SLC30A10: variants seen among roughly 807,000 people sequenced by gnomAD.
The protein encoded by SLC30A10 is calcium/manganese antiporter SLC30A10.
A neutral mutation model predicts 21.7 loss-of-function variants in SLC30A10; 8 were observed. The observed-to-expected ratio is 0.37, with a 90% confidence interval of 0.22 to 0.67. The LOEUF (loss-of-function observed/expected upper bound fraction) is 0.67, where lower values mean the gene tolerates loss of function less well. Ranked by LOEUF, SLC30A10 falls within the 30% of genes least tolerant of loss-of-function variation. SLC30A10 has a pLI of 0.58. For missense variants in SLC30A10, 521 were observed against 642.5 expected (o/e 0.81, Z 2.04); for synonymous variants, 272 against 279.4 (o/e 0.97, Z 0.26).
rs1659450529 is a variant in SLC30A10 at position 219,912,989 on chromosome 1, T to C, written c.*2460A>G. On this transcript the variant is annotated 3_prime_UTR_variant, in exon 4 of 4. Coordinates refer to ENST00000366926, the MANE Select transcript of SLC30A10 (RefSeq NM_018713.3). ...TAAAGGAAAACAGTGCTGTTTTAAA[T>C]CTATTTATCAGCTGCTACTGCCACC... 6.6e-6 allele frequency among the ~76,000 whole-genome samples: 1 copy of C among 152,182 alleles called. No individual in the cohort carries two copies. The highest frequency in any genetic ancestry group is 2.4e-5 in the African/African-American group (1 of 41,438).
intron 1 of SLC30A10, among the ~76,000 whole-genome samples, chr1:219,947,298 G>A (rs1289932840): frequency 6.6e-6 from 1 of 152,200 alleles, no homozygotes; most frequent in Non-Finnish European, 1.5e-5. Context: ...CGAGGCCAAG[G>A]TGGAAGGATT....
At chr1:219,936,571 A>C (rs1017346874) in intron 1 of SLC30A10, among the ~76,000 whole-genome samples, 1 of 152,206 alleles carries the variant, frequency 6.6e-6, no homozygotes, top group Admixed American at 6.5e-5. Flanking sequence ...CACTTGACCC[A>C]AGATGGGCCA....
intron 1 of SLC30A10, among the ~76,000 whole-genome samples, chr1:219,957,262 A>C (rs930368085): frequency 1.3e-5 from 2 of 152,168 alleles, no homozygotes; most frequent in African/African-American, 4.8e-5. Flanking sequence ...AGATACTCTC[A>C]TAACATATGT....
intron 1 of SLC30A10, among the ~76,000 whole-genome samples, chr1:219,953,663 AATTTTATTTTATTTTATTTT>A (rs372851865): frequency 8.0e-4 from 109 of 135,728 alleles, no homozygotes; most frequent in Middle Eastern, 3.6e-3. Context: ...CAGCTTCTCA[AATTTTATTTTATTTTATTTT>A]ATTTTATTTT....
chr1:219,928,341 A>C lies in SLC30A10; in HGVS notation c.100T>G (p.Ser34Ala). Residue 34 changes from serine to alanine, a missense_variant, in exon 1 of 4, where the codon TCC (serine) becomes GCC (alanine). By Grantham distance (99) the Ser-to-Ala change is moderately conservative. Coordinates refer to ENST00000366926, the MANE Select transcript of SLC30A10 (RefSeq NM_018713.3). The surrounding 1 kb of genome is among the most constrained non-coding windows in gnomAD (Gnocchi z 6.3). ...AAGGAGTCGGAGAGCAGCGCGATGG[A>C]GTTGCCCAGGTAGCCGGAGACCAGC... The part of the protein sequence containing the change: ...AELVSGYLGN[S>A]IALLSDSFNM... The C allele has an allele frequency of 1.2e-6, 2 of 1,613,194 alleles. No homozygotes were observed. Among genetic ancestry groups the C allele is most frequent in the Non-Finnish European group, 1.7e-6 (2 of 1,179,708 alleles).
At chr1:219,924,555 G>A (rs530249461) in intron 2 of SLC30A10, among the ~76,000 whole-genome samples, 3 of 152,172 alleles carry the variant, frequency 2.0e-5, no homozygotes, top group East Asian at 1.9e-4. Flanking sequence ...ACACTTAGCC[G>A]GGAATATGTA....
chr1:219,918,873 G>A lies in SLC30A10; in HGVS notation c.719-379C>T, dbSNP rs183836796. On this transcript the variant is annotated intron_variant, in intron 2 of 3. Transcript: ENST00000366926. This position sits in a 1 kb window ranked among gnomAD's most constrained non-coding sequence, Gnocchi z 4.4. ...CAGACAATCATCTGTGCTTTACGTT[G>A]TTTTAAACATGTTTAAGGGGAGAGA... is the stretch of plus-strand genomic sequence containing the variant. The A allele has an allele frequency of 1.1e-5, 2 of 175,100 alleles. No homozygotes were observed. Among genetic ancestry groups the A allele is most frequent in the Admixed American group, 1.2e-4 (2 of 16,250 alleles). 10.8% of individuals were successfully genotyped at this position (175,100 alleles called of 1,614,324 possible).
rs1412043324 is a variant in SLC30A10 at position 219,912,026 on chromosome 1, CA to C, written c.*3422del. On this transcript the variant is annotated 3_prime_UTR_variant, in exon 4 of 4. Transcript: ENST00000366926. Reference sequence around the variant, plus strand: ...CTGAGAACCCCTGGAGTAAGCCTCACAAAAGCTCTTATGACCTCACAGGGCA... The same window carrying C: ...CTGAGAACCCCTGGAGTAAGCCTCACAAAGCTCTTATGACCTCACAGGGCA... 3.3e-5 allele frequency among the ~76,000 whole-genome samples: 5 copies of C among 152,196 alleles called. No individual in the cohort carries two copies. The highest frequency in any genetic ancestry group is 1.2e-4 in the African/African-American group (5 of 41,528).
intron 2 of SLC30A10, among the ~76,000 whole-genome samples, chr1:219,923,880 C>G (rs1659754539): frequency 1.3e-5 from 2 of 152,024 alleles, no homozygotes; most frequent in South Asian, 2.1e-4. Flanking sequence ...GCCAACATGG[C>G]AAAACCCCGT....
intron 1 of SLC30A10, among the ~76,000 whole-genome samples, chr1:219,937,707 G>A (rs1909198): frequency 0.27 from 41,623 of 152,130 alleles, 6,218 homozygotes; most frequent in South Asian, 0.38. Context: ...CCAGCTACTC[G>A]GGAGGCTGAG....
chr1:219,950,436 G>A (rs572097339), intron 1 of SLC30A10, among the ~76,000 whole-genome samples: 25 of 151,688 alleles, frequency 1.6e-4, no homozygotes, highest in Non-Finnish European at 2.8e-4. Context: ...TCAGGAGATC[G>A]AGACCATCCT....
At chr1:219,933,686 A>T (rs1436411767) in intron 1 of SLC30A10, among the ~76,000 whole-genome samples, 1 of 152,190 alleles carries the variant, frequency 6.6e-6, no homozygotes, top group East Asian at 1.9e-4. Context: ...CATCACCTGG[A>T]GTTTTAAATC....
At chr1:219,941,913 G>A (rs1424992205) in intron 1 of SLC30A10, among the ~76,000 whole-genome samples, 1 of 152,214 alleles carries the variant, frequency 6.6e-6, no homozygotes, top group Non-Finnish European at 1.5e-5. Context: ...ATCTCCTGTT[G>A]TGAAAGCTCT....
rs574102902 is a variant in SLC30A10, at chr1:219,925,751, G to A, written c.718+1277C>T. On this transcript the variant is annotated intron_variant, in intron 2 of 3. Coordinates refer to ENST00000366926, the MANE Select transcript of SLC30A10 (RefSeq NM_018713.3). ...GCTCACTGCAACCTCCACCTCTGGG[G>A]TTCAAGCAATTCTCCTGCCTCAGCC... Among the ~76,000 whole-genome samples the A allele has an allele frequency of 1.5e-4, 22 of 144,264 alleles. No individual in the cohort carries two copies. In the South Asian group the frequency reaches 5.1e-3, roughly 33 times the overall value. 94.6% of individuals were successfully genotyped at this position (144,264 alleles called of 152,430 possible). A position where few individuals can be genotyped will look rare whatever the true frequency, so the allele number is the denominator to read the frequency against.
chr1:219,954,155 G>A (rs1660311711), intron 1 of SLC30A10, among the ~76,000 whole-genome samples: 1 of 151,952 alleles, frequency 6.6e-6, no homozygotes, highest in Non-Finnish European at 1.5e-5. Flanking sequence ...TGTTTCAGCG[G>A]CTACAGGACT....
chr1:219,927,231 C>A lies in SLC30A10; in HGVS notation c.641-126G>T, dbSNP rs985147368. 4 of 903,138 alleles carry A rather than the reference C, an allele frequency of 4.4e-6. No homozygotes were observed. The African/African-American group carries it at 5.0e-5, about 11-fold the overall frequency. 55.9% of individuals were successfully genotyped at this position (903,138 alleles called of 1,614,324 possible). ...CTAGCTTAAGGGAGACCCTTCTGCA[C>A]ACCCACAGCTCAGAACAGTACATTT... On this transcript the variant is annotated intron_variant, in intron 1 of 3. Transcript: ENST00000366926.
At chr1:219,951,250 C>A (rs927341604) in intron 1 of SLC30A10, among the ~76,000 whole-genome samples, 3 of 151,602 alleles carry the variant, frequency 2.0e-5, no homozygotes, top group Non-Finnish European at 4.4e-5. Context: ...TGTGAGCCAC[C>A]GCCCCTGGCT....
Position 219,918,528 on chromosome 1 carries a change from C to A in SLC30A10, c.719-34G>T. 1.9e-6 allele frequency: 3 copies of A among 1,539,124 alleles called. No individual in the cohort carries two copies. The highest frequency in any genetic ancestry group is 1.3e-5 in the South Asian group (1 of 78,648). On this transcript the variant is annotated intron_variant, in intron 2 of 3. Transcript: ENST00000366926. This position sits in a 1 kb window ranked among gnomAD's most constrained non-coding sequence, Gnocchi z 4.4. Reference sequence around the variant, plus strand: ...AAGAAAGACTACTGCAGCACAGATGCAAATCTGGAAGCCACGTGACACTCA... The same window carrying A: ...AAGAAAGACTACTGCAGCACAGATGAAAATCTGGAAGCCACGTGACACTCA...
At chr1:219,950,182 T>C (rs1477529970) in intron 1 of SLC30A10, among the ~76,000 whole-genome samples, 3 of 152,238 alleles carry the variant, frequency 2.0e-5, no homozygotes, top group African/African-American at 4.8e-5. Context: ...AATTACAGTC[T>C]AGTATATGAG....
Sources: allele counts gnomAD v4.1 joint callset (sites outside exome capture counted in the v4.1 genomes callset), GRCh38; gene constraint gnomAD v4.1.1; non-coding constraint Gnocchi (gnomAD v3.1); transcripts MANE v1.5; gene names NCBI Gene and HGNC (gene_info 2026-07-23, HGNC 2026-07-21).